Variants in LY96 observed in about 807,000 individuals in gnomAD.
LY96 encodes lymphocyte antigen 96.
Under a neutral mutation model 18.9 loss-of-function variants are expected in LY96, and 18 were observed. The ratio of observed to expected loss-of-function variants is 0.95; its 90% CI spans 0.66 to 1.41. The LOEUF (loss-of-function observed/expected upper bound fraction) is 1.41, where lower values mean the gene tolerates loss of function less well. LY96 is among the 40% of genes most tolerant of loss of function. The pLI is 0.00. For missense variants in LY96, 175 were observed against 182.4 expected, an observed-to-expected ratio of 0.96 and a Z score of 0.23; for synonymous variants, 66 against 62.6, an observed-to-expected ratio of 1.06 and a Z score of -0.26.
Position 74,021,213 on chromosome 8 carries a change from C to T in LY96, c.332-5576C>T, listed in dbSNP as rs182122534. On this transcript the variant is annotated intron_variant, in intron 3 of 4. Coordinates refer to ENST00000284818, the MANE Select transcript of LY96 (RefSeq NM_015364.5). ...ATCCAGAATCTACAAAGAACTTAAA[C>T]AAATTTACAAGAAAAAATCAAACAA... Among the ~76,000 whole-genome samples, 882 of 152,244 alleles carry T rather than the reference C, an allele frequency of 5.8e-3. 5 individuals carry two copies. The highest frequency in any genetic ancestry group is 0.01 in the Non-Finnish European group (707 of 68,014).
the LY96 span, among the ~76,000 whole-genome samples, chr8:74,080,277 C>T: frequency 1.3e-5 from 2 of 152,148 alleles, no homozygotes; most frequent in Non-Finnish European, 2.9e-5. Flanking sequence ...TGGGTTGAGC[C>T]TGATTGACTT....
chr8:73,995,866 C>G (rs1816116055), intron 1 of LY96, among the ~76,000 whole-genome samples: 1 of 152,152 alleles, frequency 6.6e-6, no homozygotes, highest in Non-Finnish European at 1.5e-5. Flanking sequence ...AGACAAAAGT[C>G]CCTGCCCTTA....
downstream of LY96, chr8:74,029,093 T>C (rs1816926996): frequency 7.9e-7 from 1 of 1,271,000 alleles, no homozygotes; most frequent in African/African-American, 1.5e-5. Context: ...AAAGGTATTG[T>C]TCCTGTTTTA....
At chr8:74,022,930 C>T (rs981228294) in intron 3 of LY96, among the ~76,000 whole-genome samples, 1 of 152,114 alleles carries the variant, frequency 6.6e-6, no homozygotes, top group Non-Finnish European at 1.5e-5. Context: ...ATCCATCTTC[C>T]TCCCCTGCCC....
At chr8:74,084,313 C>G in the LY96 span, among the ~76,000 whole-genome samples, 1 of 152,154 alleles carries the variant, frequency 6.6e-6, no homozygotes, top group African/African-American at 2.4e-5. Context: ...TTAACTCAGT[C>G]CCTTAGCTCA....
At position 74,001,970 on chromosome 8, in the gene LY96, CCT is replaced by C. The variant is rs1310481360; in HGVS notation, c.113-2825_113-2824del. ...TCCTTCCTTCCTTCCTTCCTTCCTT[CCT>C]TCCTTCCCTCCCTCCCTCCCTCCTT... is the stretch of plus-strand genomic sequence containing the variant. On this transcript the variant is annotated intron_variant, in intron 1 of 4. Transcript: ENST00000284818. 5.5e-3 allele frequency among the ~76,000 whole-genome samples: 759 copies of C among 138,992 alleles called. 14 individuals are homozygous for C. The highest frequency in any genetic ancestry group is 8.9e-3 in the Non-Finnish European group (577 of 64,574). 91.2% of individuals were successfully genotyped at this position (138,992 alleles called of 152,430 possible).
the LY96 span, among the ~76,000 whole-genome samples, chr8:74,081,040 TTCTTTC>T: frequency 8.0e-6 from 1 of 124,818 alleles, no homozygotes; most frequent in Admixed American, 7.6e-5. Context: ...CTTTCTTTCT[TTCTTTC>T]TTTTTCTTTC....
the LY96 span, among the ~76,000 whole-genome samples, chr8:74,089,785 T>G: frequency 6.6e-6 from 1 of 151,334 alleles, no homozygotes; most frequent in African/African-American, 2.4e-5. Context: ...TCGTAAGGAG[T>G]GCTGTTATGA....
intron 3 of LY96, among the ~76,000 whole-genome samples, chr8:74,018,432 A>G (rs1816690011): frequency 1.3e-5 from 2 of 152,300 alleles, no homozygotes; most frequent in South Asian, 4.1e-4. Context: ...GCAAGTCCTT[A>G]GAGACCTACA....
At chr8:74,029,322 G>A (rs185104635), downstream of LY96, among the ~76,000 whole-genome samples, 16 of 152,242 alleles carry the variant, frequency 1.1e-4, 1 homozygote, top group African/African-American at 3.9e-4. Flanking sequence ...GAAGCAATGG[G>A]CAAGGTAGGG....
the LY96 span, among the ~76,000 whole-genome samples, chr8:74,051,636 T>C: frequency 3.9e-5 from 6 of 152,134 alleles, no homozygotes; most frequent in African/African-American, 1.4e-4. Flanking sequence ...GGGGAGGTAA[T>C]GAAGTCGTGA....
chr8:74,087,037 T>C, the LY96 span, among the ~76,000 whole-genome samples: 25 of 152,222 alleles, frequency 1.6e-4, no homozygotes, highest in African/African-American at 5.3e-4. Context: ...TGTGTGAATA[T>C]TGAATACCTC....
downstream of LY96, among the ~76,000 whole-genome samples, chr8:74,032,262 A>G (rs1816983925): frequency 6.6e-6 from 1 of 152,248 alleles, no homozygotes; most frequent in Non-Finnish European, 1.5e-5. Flanking sequence ...CCTTTACTAC[A>G]ATTAAGGGAG....
At chr8:74,094,969 A>T in the LY96 span, among the ~76,000 whole-genome samples, 16 of 152,212 alleles carry the variant, frequency 1.1e-4, 1 homozygote, top group Admixed American at 6.5e-4. Context: ...CAGAGTTGAT[A>T]GAAAGAGCAG....
intron 1 of LY96, among the ~76,000 whole-genome samples, chr8:74,001,963 CTT>C: frequency 7.1e-6 from 1 of 141,806 alleles, no homozygotes; most frequent in Non-Finnish European, 1.5e-5. Flanking sequence ...TCCTTCCTTC[CTT>C]CCTTCCTTCC....
chr8:74,043,416 G>A, the LY96 span, among the ~76,000 whole-genome samples: 1 of 152,176 alleles, frequency 6.6e-6, no homozygotes, highest in African/African-American at 2.4e-5. Context: ...TAAGATGCGA[G>A]CTTAGACCCA....
At chr8:74,057,757 C>T in the LY96 span, among the ~76,000 whole-genome samples, 2 of 152,182 alleles carry the variant, frequency 1.3e-5, no homozygotes, top group African/African-American at 2.4e-5. Context: ...ACTAAAATGG[C>T]GACTTGGTAG....
At chr8:74,068,968 C>T in the LY96 span, among the ~76,000 whole-genome samples, 49 of 152,094 alleles carry the variant, frequency 3.2e-4, no homozygotes, top group South Asian at 6.2e-4. Context: ...CTAATTTTTG[C>T]ATTTTTAGTA....
chr8:74,021,606 G>A (rs971904767), intron 3 of LY96, among the ~76,000 whole-genome samples: 30 of 152,242 alleles, frequency 2.0e-4, no homozygotes, highest in African/African-American at 7.2e-4. Context: ...ATGCTACTAT[G>A]AAGACACATG....
Sources: gnomAD v4.1 joint callset for allele counts (sites outside exome capture counted in the v4.1 genomes callset) on GRCh38, gnomAD v4.1.1 for gene constraint, MANE v1.5 for transcripts, NCBI Gene and HGNC (gene_info 2026-07-23, HGNC 2026-07-21) for gene names.